The following SEMA3A variants were observed in gnomAD, a reference collection of about 807,000 sequenced individuals.
SEMA3A encodes the protein semaphorin 3A, also known as semaphorin-3A.
A neutral mutation model predicts 97.9 loss-of-function variants in SEMA3A; 29 were observed. That is an observed-to-expected ratio of 0.30 (90% CI 0.22 to 0.40). The LOEUF is 0.40. Among genes scored for constraint, SEMA3A ranks in the 10% least tolerant of loss-of-function variants. The pLI, the probability that SEMA3A is intolerant of heterozygous loss-of-function variation, is 1.00. For missense variants in SEMA3A, 763 were observed against 951.3 expected (o/e 0.80, Z 2.60); for synonymous variants, 321 against 323.7 (o/e 0.99, Z 0.09).
At chr7:84,303,182 G>A (rs1321494948) in intron 3 of SEMA3A, among the ~76,000 whole-genome samples, 2 of 151,982 alleles carry the variant, frequency 1.3e-5, no homozygotes, top group African/African-American at 2.4e-5. Context: ...ATTCTCTTTC[G>A]GGGCAAAACC....
At chr7:84,368,120 T>G (rs1802895943) in intron 2 of SEMA3A, among the ~76,000 whole-genome samples, 1 of 151,172 alleles carries the variant, frequency 6.6e-6, no homozygotes, top group Non-Finnish European at 1.5e-5. Flanking sequence ...TAAGCTCACT[T>G]ATAGATAACC....
chr7:84,441,141 A>G (rs1201380238), intron 1 of SEMA3A, among the ~76,000 whole-genome samples: 1 of 152,046 alleles, frequency 6.6e-6, no homozygotes, highest in Non-Finnish European at 1.5e-5. Context: ...CTGAGCAACA[A>G]GAGCAAAACT....
intron 2 of SEMA3A, among the ~76,000 whole-genome samples, chr7:84,353,230 T>A (rs1345916282): frequency 6.6e-6 from 1 of 151,748 alleles, no homozygotes; most frequent in East Asian, 1.9e-4. Context: ...AATTTTTTGG[T>A]CCCGAAGTAT....
intron 1 of SEMA3A, 134 bp from the exon 2 acceptor site, chr7:84,135,085 A>G: frequency 1.7e-6 from 1 of 586,648 alleles, no homozygotes; most frequent in Non-Finnish European, 2.7e-6. Flanking sequence ...GGTACTAAGA[A>G]ATATATTGGA....
At chr7:84,134,082 C>A (rs956504154) in intron 2 of SEMA3A, among the ~76,000 whole-genome samples, 1 of 151,704 alleles carries the variant, frequency 6.6e-6, no homozygotes, top group Non-Finnish European at 1.5e-5. Context: ...ACAACAACAA[C>A]AAAAATATAG....
chr7:84,325,455 C>A (rs952359620), intron 2 of SEMA3A, among the ~76,000 whole-genome samples: 2 of 151,942 alleles, frequency 1.3e-5, no homozygotes, highest in African/African-American at 4.8e-5. Flanking sequence ...AGATTTGCCA[C>A]AGGATATCTG....
intron 3 of SEMA3A, among the ~76,000 whole-genome samples, chr7:84,298,666 T>C (rs897045786): frequency 2.6e-5 from 4 of 152,164 alleles, no homozygotes; most frequent in Non-Finnish European, 5.9e-5. Context: ...TTGCCAACTA[T>C]TGAAGAAACT....
At chr7:84,172,453 C>T (rs542939797) in intron 1 of SEMA3A, among the ~76,000 whole-genome samples, 11 of 152,186 alleles carry the variant, frequency 7.2e-5, no homozygotes, top group African/African-American at 2.4e-4. Context: ...GACAGAGTCT[C>T]GCTCTGTCAC....
chr7:83,961,847 C>T (rs776580753), intron 16 of SEMA3A, 21 bp from the exon 17 acceptor site: 3 of 1,577,320 alleles, frequency 1.9e-6, no homozygotes, highest in Non-Finnish European at 2.6e-6. Context: ...AAAAAAAAGG[C>T]AGTGTAAAAT....
chr7:84,117,005 C>T lies in SEMA3A; in HGVS notation c.334-6416G>A, dbSNP rs1795452006. 2.0e-5 allele frequency among the ~76,000 whole-genome samples: 3 copies of T among 152,118 alleles called. No individual in the cohort carries two copies. In the South Asian group the frequency reaches 6.2e-4, roughly 31 times the overall value. Reference sequence around the variant, plus strand: ...TTCACCATCAGAACATACATGGTAACAGAATTTTGTCACCTGTCAGCCAAC... The same window carrying T: ...TTCACCATCAGAACATACATGGTAATAGAATTTTGTCACCTGTCAGCCAAC... On this transcript the variant is annotated intron_variant, in intron 3 of 16. Coordinates refer to ENST00000265362, the MANE Select transcript of SEMA3A (RefSeq NM_006080.3).
In SEMA3A at chr7:84,261,139, T is replaced by A. The variant is rs1799848339; in HGVS notation, c.-83+46068A>T. 3.9e-5 allele frequency among the ~76,000 whole-genome samples: 6 copies of A among 152,170 alleles called. 1 individual carries two copies. The South Asian group carries it at 1.2e-3, about 31-fold the overall frequency. On this transcript the variant is annotated intron_variant, in intron 3 of 3. Transcript: ENST00000424555. ...GGATGACCTGGCTGTGGAAAGGAGC[T>A]ACCCACTCAGGGTATTCTTTCTGAT...
chr7:84,048,178 T>TTAA, intron 5 of SEMA3A, among the ~76,000 whole-genome samples: 1 of 152,170 alleles, frequency 6.6e-6, no homozygotes, highest in Middle Eastern at 3.4e-3. Context: ...TCCTAAATTG[T>TTAA]CACAGCATGG....
intron 4 of SEMA3A, among the ~76,000 whole-genome samples, chr7:84,089,947 T>C (rs1794511057): frequency 1.3e-5 from 2 of 151,966 alleles, no homozygotes; most frequent in South Asian, 4.1e-4. Context: ...ATTTATAAAA[T>C]TCATTCTTAG....
chr7:84,325,929 G>T (rs1801765341), intron 2 of SEMA3A, among the ~76,000 whole-genome samples: 1 of 151,912 alleles, frequency 6.6e-6, no homozygotes, highest in African/African-American at 2.4e-5. Flanking sequence ...CCCAACACTA[G>T]TATCCACTGT....
chr7:84,210,771 A>T (rs1798607310), intron 3 of SEMA3A, among the ~76,000 whole-genome samples: 1 of 151,908 alleles, frequency 6.6e-6, no homozygotes, highest in African/African-American at 2.4e-5. Context: ...TATTTACACC[A>T]CTGAAACTAG....
intron 1 of SEMA3A, among the ~76,000 whole-genome samples, chr7:84,453,226 T>C (rs1805603013): frequency 6.7e-6 from 1 of 149,782 alleles, no homozygotes; most frequent in East Asian, 2.0e-4. Context: ...TTATGGTTCA[T>C]GAGACTTTGT....
At chr7:84,060,588 G>A (rs767671647) in intron 4 of SEMA3A, 30 bp from the exon 5 acceptor site, 16 of 1,442,478 alleles carry the variant, frequency 1.1e-5, no homozygotes, top group Non-Finnish European at 1.5e-5. Flanking sequence ...AGAGAAAAGG[G>A]TTTCCTTTAT....
chr7:84,460,159 G>C (rs541149220), intron 1 of SEMA3A, among the ~76,000 whole-genome samples: 1 of 152,046 alleles, frequency 6.6e-6, no homozygotes, highest in Admixed American at 6.6e-5. Flanking sequence ...AGAATTCTTG[G>C]TGTAGAATGT....
chr7:84,276,303 A>G (rs1177785183), intron 3 of SEMA3A, among the ~76,000 whole-genome samples: 1 of 152,090 alleles, frequency 6.6e-6, no homozygotes, highest in Non-Finnish European at 1.5e-5. Flanking sequence ...AAAAGGAAAA[A>G]TTCCTTTTAA....
Sources: gnomAD v4.1 joint callset for allele counts (sites outside exome capture counted in the v4.1 genomes callset) on GRCh38, gnomAD v4.1.1 for gene constraint, MANE v1.5 for transcripts, NCBI Gene and HGNC (gene_info 2026-07-23, HGNC 2026-07-21) for gene names.